The following LTBP1 variants were observed in gnomAD, a reference collection of about 807,000 sequenced individuals.
The protein encoded by LTBP1 is latent-transforming growth factor beta-binding protein 1.
In LTBP1, 129 loss-of-function variants were observed where a neutral mutation model predicts 207.6. That is an observed-to-expected ratio of 0.62 (90% CI 0.54 to 0.72). The LOEUF (loss-of-function observed/expected upper bound fraction) is 0.72, where lower values mean the gene tolerates loss of function less well. Ranked by LOEUF, LTBP1 falls within the 30% of genes least tolerant of loss-of-function variation. The pLI is 0.00. For synonymous variants in LTBP1, 963 were observed against 833.7 expected, an observed-to-expected ratio of 1.16 and a Z score of -2.67; for missense variants, 2,281 against 2,217.2, an observed-to-expected ratio of 1.03 and a Z score of -0.58.
chr2:32,995,436 A>G (rs538721921), intron 2 of LTBP1, among the ~76,000 whole-genome samples: 1 of 152,248 alleles, frequency 6.6e-6, no homozygotes, highest in African/African-American at 2.4e-5. Flanking sequence ...AAGGCTAATC[A>G]TTGTGGTTGT....
intron 4 of LTBP1, among the ~76,000 whole-genome samples, chr2:33,111,526 A>G (rs150066096): frequency 3.3e-5 from 5 of 152,298 alleles, no homozygotes; most frequent in Admixed American, 6.5e-5. Context: ...TGGGAAAAGG[A>G]CCATCTTTCA....
chr2:33,081,214 C>T (rs1473190857), intron 3 of LTBP1, among the ~76,000 whole-genome samples: 1 of 152,028 alleles, frequency 6.6e-6, no homozygotes, highest in Non-Finnish European at 1.5e-5. Flanking sequence ...GGGAGGATGC[C>T]TCTGGAATGA....
chr2:33,151,535 G>A (rs550670585), intron 5 of LTBP1, among the ~76,000 whole-genome samples: 2 of 152,006 alleles, frequency 1.3e-5, no homozygotes, highest in East Asian at 3.9e-4. Flanking sequence ...TCTTTATGGT[G>A]ATTTGTGAGA....
In LTBP1 at chr2:33,227,122, G is replaced by A. The variant is rs568377904; in HGVS notation, c.1876+4971G>A. Among the ~76,000 whole-genome samples, 229 of 151,500 alleles carry A rather than the reference G, an allele frequency of 1.5e-3. 1 individual carries two copies. The highest frequency in any genetic ancestry group is 5.6e-3 in the African/African-American group (229 of 41,226). ...ATGATCTCAGCTCACTGCAACCTCC[G>A]CTTCCTGGGTTCAGGTGATTCTCCT... On this transcript the variant is annotated intron_variant, in intron 9 of 33. Transcript: ENST00000404816.
At chr2:33,376,344 C>G (rs1317488831) in intron 31 of LTBP1, among the ~76,000 whole-genome samples, 2 of 152,182 alleles carry the variant, frequency 1.3e-5, no homozygotes, top group African/African-American at 4.8e-5. Flanking sequence ...CAAGAAAAAG[C>G]CCTCACCCTA....
intron 3 of LTBP1, among the ~76,000 whole-genome samples, chr2:33,090,009 A>G (rs2078986712): frequency 6.6e-6 from 1 of 152,252 alleles, no homozygotes; most frequent in East Asian, 1.9e-4. Flanking sequence ...ATATTTATTG[A>G]AATGAAACCT....
chr2:33,247,419 G>C (rs1478082100), intron 10 of LTBP1, among the ~76,000 whole-genome samples: 2 of 152,170 alleles, frequency 1.3e-5, no homozygotes, highest in Admixed American at 1.3e-4. Context: ...TCCAAATTTA[G>C]GGTTCTAGAT....
rs544835719 is a variant in LTBP1 at position 33,145,253 on chromosome 2, T to G, written c.1201+10293T>G. 1.7e-3 allele frequency among the ~76,000 whole-genome samples: 259 copies of G among 151,986 alleles called. 4 individuals are homozygous for G. In the South Asian group the frequency reaches 0.021, roughly 13 times the overall value. ...GACTGAGTGTTGGCTTTTCCTAAGA[T>G]TTGGTTGGGGAGAAAAAAAAAAACT... is the stretch of plus-strand genomic sequence containing the variant. On this transcript the variant is annotated intron_variant, in intron 5 of 33. Coordinates refer to ENST00000404816, the MANE Select transcript of LTBP1 (RefSeq NM_206943.4).
At chr2:33,172,673 C>T (rs1056685130) in intron 5 of LTBP1, among the ~76,000 whole-genome samples, 1 of 152,188 alleles carries the variant, frequency 6.6e-6, no homozygotes, top group Non-Finnish European at 1.5e-5. Flanking sequence ...ATCTACAGAA[C>T]TCTCCACCCC....
chr2:32,966,594 G>A (rs1680042226), intron 2 of LTBP1, among the ~76,000 whole-genome samples: 1 of 152,126 alleles, frequency 6.6e-6, no homozygotes, highest in South Asian at 2.1e-4. Flanking sequence ...TCATAAGTGA[G>A]TGTTGGATTT....
At chr2:33,057,816 A>G (rs977470987) in intron 3 of LTBP1, among the ~76,000 whole-genome samples, 3 of 151,672 alleles carry the variant, frequency 2.0e-5, no homozygotes, top group African/African-American at 7.3e-5. Flanking sequence ...CTCCCTCCAC[A>G]CCTCCCCGCA....
intron 24 of LTBP1, among the ~76,000 whole-genome samples, chr2:33,332,327 G>A (rs2094503069): frequency 7.9e-6 from 1 of 125,970 alleles, no homozygotes. Context: ...GAGCTTAGGA[G>A]TTTGAGGCCA....
At chr2:33,210,759 G>A (rs2090251671) in intron 7 of LTBP1, among the ~76,000 whole-genome samples, 1 of 152,068 alleles carries the variant, frequency 6.6e-6, no homozygotes, top group African/African-American at 2.4e-5. Context: ...GTTGCCACTG[G>A]CTTTTCTCCC....
At chr2:33,098,228 G>A (rs1183521273) in intron 3 of LTBP1, among the ~76,000 whole-genome samples, 1 of 152,084 alleles carries the variant, frequency 6.6e-6, no homozygotes, top group East Asian at 1.9e-4. Flanking sequence ...ATATATCACA[G>A]TCATTTAGAT....
At chr2:33,146,273 C>G (rs777094827) in intron 5 of LTBP1, among the ~76,000 whole-genome samples, 6 of 152,204 alleles carry the variant, frequency 3.9e-5, no homozygotes, top group Non-Finnish European at 8.8e-5. Flanking sequence ...AAATCAGGCA[C>G]TGCTCTTCTT....
At position 33,339,651 on chromosome 2, in the gene LTBP1, CT is replaced by C. The variant is rs796627740; in HGVS notation, c.3731-3176del. Among the ~76,000 whole-genome samples, 772 of 145,072 alleles carry C rather than the reference CT, an allele frequency of 5.3e-3. 11 individuals are homozygous for C. Among genetic ancestry groups the C allele is most frequent in the African/African-American group, 0.017 (695 of 39,828 alleles). The stretch of plus-strand genomic sequence containing the variant: ...CTGGAAATAATTTCATTGATTTGTC[CT>C]TTTTTTTTTTGAGACGGAGTTTCGC... On this transcript the variant is annotated intron_variant, in intron 24 of 33. Coordinates refer to ENST00000404816, the MANE Select transcript of LTBP1 (RefSeq NM_206943.4).
At position 33,134,680 on chromosome 2, in the gene LTBP1, C is replaced by G. The variant is rs753046014; in HGVS notation, c.1034-113C>G. 1 of 1,591,866 alleles carries G rather than the reference C, an allele frequency of 6.3e-7. No homozygotes were observed. The highest frequency in any genetic ancestry group is 1.8e-5 in the Admixed American group (1 of 56,684). On this transcript the variant is annotated intron_variant, in intron 4 of 33. Coordinates refer to ENST00000404816, the MANE Select transcript of LTBP1 (RefSeq NM_206943.4). This position sits in a 1 kb window ranked among gnomAD's most constrained non-coding sequence, Gnocchi z 4.4. The stretch of plus-strand genomic sequence containing the variant: ...GTCGGGTTGTGGGCTCTCTCTTTTC[C>G]CCTCTTGCTCCTTTCTTTTCTTTTT...
intron 31 of LTBP1, 32 bp downstream of exon 31, chr2:33,365,535 G>T (rs1193548068): frequency 6.3e-7 from 1 of 1,599,512 alleles, no homozygotes; most frequent in South Asian, 1.1e-5. Flanking sequence ...TCTGCAGGAG[G>T]CCTTTGGGGA....
intron 15 of LTBP1, among the ~76,000 whole-genome samples, chr2:33,272,037 C>T (rs1024880504): frequency 1.3e-5 from 2 of 152,190 alleles, no homozygotes; most frequent in Non-Finnish European, 2.9e-5. Flanking sequence ...ATGGGGTGTG[C>T]ATACATTTCT....
Sources: allele counts gnomAD v4.1 joint callset (sites outside exome capture counted in the v4.1 genomes callset), GRCh38; gene constraint gnomAD v4.1.1; non-coding constraint Gnocchi (gnomAD v3.1); transcripts MANE v1.5; gene names NCBI Gene and HGNC (gene_info 2026-07-23, HGNC 2026-07-21).